The following IL4I1 variants were observed in gnomAD, a reference collection of about 807,000 sequenced individuals.
The protein encoded by IL4I1 is L-amino-acid oxidase.
A neutral mutation model predicts 29.7 loss-of-function variants in IL4I1; 24 were observed. The observed-to-expected ratio is 0.81, with a 90% CI of 0.59 to 1.14. The LOEUF (loss-of-function observed/expected upper bound fraction) is 1.14. Among genes scored for constraint, IL4I1 ranks in the 50% most tolerant of loss-of-function variants. The pLI is 0.00. For synonymous variants in IL4I1, 371 were observed against 352.5 expected, an observed-to-expected ratio of 1.05 and a Z score of -0.59; for missense variants, 686 against 785.6, an observed-to-expected ratio of 0.87 and a Z score of 1.52.
chr19:49,905,050 G>C (rs2075304634), intron 2 of IL4I1, among the ~76,000 whole-genome samples: 1 of 152,122 alleles, frequency 6.6e-6, no homozygotes, highest in African/African-American at 2.4e-5. Flanking sequence ...GTTTCACCAT[G>C]TTGGCCAGGC....
upstream of IL4I1, among the ~76,000 whole-genome samples, chr19:49,897,377 T>C (rs948704224): frequency 2.0e-5 from 3 of 152,064 alleles, no homozygotes; most frequent in Admixed American, 6.5e-5. Flanking sequence ...CTCCGTTACA[T>C]GGGTGTAGCA....
At chr19:49,910,269 G>T (rs548966730) in intron 2 of IL4I1, among the ~76,000 whole-genome samples, 6 of 152,018 alleles carry the variant, frequency 3.9e-5, no homozygotes, top group African/African-American at 1.2e-4. Context: ...ACCCAGTGAG[G>T]TTCCCTGGCT....
At chr19:49,890,672 C>G in intron 7 of IL4I1, 72 bp from the exon 8 acceptor site, 1 of 1,343,678 alleles carries the variant, frequency 7.4e-7, no homozygotes, top group Non-Finnish European at 9.8e-7. Context: ...CTTGCCCCAC[C>G]CACCCCGGCA....
chr19:49,929,267 C>T, intron 1 of IL4I1: 1 of 153,704 alleles, frequency 6.5e-6, no homozygotes, highest in Non-Finnish European at 1.4e-5. Context: ...CCTGCGTAGC[C>T]CCGGCCATGG....
intron 2 of IL4I1, chr19:49,909,452 C>T (rs377665941): frequency 1.9e-6 from 3 of 1,613,970 alleles, no homozygotes; most frequent in African/African-American, 2.7e-5. Context: ...AGTGAGGTTG[C>T]TGCTGCCCAG....
intron 6 of IL4I1, 55 bp from the exon 7 acceptor site, chr19:49,891,162 G>C (rs1012939881): frequency 1.3e-6 from 2 of 1,588,184 alleles, no homozygotes; most frequent in Non-Finnish European, 1.7e-6. Flanking sequence ...ACCCCTGAGA[G>C]AGCCCCTCCG....
At chr19:49,914,109 G>A (rs747259005) in intron 2 of IL4I1, among the ~76,000 whole-genome samples, 47 of 152,288 alleles carry the variant, frequency 3.1e-4, no homozygotes, top group Admixed American at 7.2e-4. Context: ...AGTACTTTCG[G>A]AGGCCAAGGC....
intron 4 of IL4I1, among the ~76,000 whole-genome samples, 165 bp downstream of exon 4, chr19:49,894,903 C>T (rs539184634): frequency 6.6e-6 from 1 of 152,052 alleles, no homozygotes; most frequent in South Asian, 2.1e-4. Context: ...TGCCAGAGGC[C>T]CAGGGCTGGC....
intron 1 of IL4I1, 107 bp downstream of exon 1, chr19:49,896,728 C>T: frequency 1.4e-6 from 1 of 702,452 alleles, no homozygotes; most frequent in Non-Finnish European, 1.8e-6. Context: ...GCCCCCGCGC[C>T]CGGCCTCTTT....
At chr19:49,916,107 G>T (rs1199575606) in intron 2 of IL4I1, among the ~76,000 whole-genome samples, 1 of 152,244 alleles carries the variant, frequency 6.6e-6, no homozygotes, top group African/African-American at 2.4e-5. Context: ...TGGGAAACAA[G>T]TGCAGACTCC....
intron 5 of IL4I1, 101 bp from the exon 6 acceptor site, chr19:49,891,574 CGGCT>C: frequency 9.6e-7 from 1 of 1,036,958 alleles, no homozygotes; most frequent in Non-Finnish European, 1.5e-6. Context: ...GTTCTGCCCA[CGGCT>C]GGCCATTCAC....
intron 2 of IL4I1, chr19:49,911,381 C>G (rs970128745): frequency 6.6e-6 from 1 of 152,184 alleles, no homozygotes; most frequent in African/African-American, 2.4e-5. Flanking sequence ...CTCAAAAAAA[C>G]AAAAGAATAA....
intron 2 of IL4I1, among the ~76,000 whole-genome samples, chr19:49,912,412 G>T (rs1259105124): frequency 6.6e-6 from 1 of 152,054 alleles, no homozygotes; most frequent in Non-Finnish European, 1.5e-5. Context: ...CAGGTGATCC[G>T]CTTGCCTCGG....
chr19:49,900,148 T>C (rs546992681), upstream of IL4I1, among the ~76,000 whole-genome samples: 3 of 152,074 alleles, frequency 2.0e-5, no homozygotes, highest in Non-Finnish European at 4.4e-5. Context: ...CTTTGAGCTT[T>C]TTTGTGCATT....
At chr19:49,907,312 G>A (rs2075343328) in intron 2 of IL4I1, 1 of 313,100 alleles carries the variant, frequency 3.2e-6, no homozygotes, top group Non-Finnish European at 6.1e-6. Flanking sequence ...GAGGCCCAAG[G>A]TGGGGGTGAG....
chr19:49,907,975 T>C, intron 2 of IL4I1: 1 of 613,656 alleles, frequency 1.6e-6, no homozygotes, highest in Admixed American at 3.2e-5. Context: ...ATGAGGTGGG[T>C]GGTCGCAGTA....
chr19:49,890,611 G>C lies in IL4I1; in HGVS notation c.774-11C>G. ...ACGATGCGGCTGTACCTGCAGGCGG[G>C]GCGGGGCGGGGTGGGGGCGTGACCT... On this transcript the variant is annotated splice_polypyrimidine_tract_variant and intron_variant, in intron 7 of 7. Coordinates refer to ENST00000391826, the MANE Select transcript of IL4I1 (RefSeq NM_152899.2). The C allele has an allele frequency of 6.6e-7, 1 of 1,504,064 alleles. No individual in the cohort carries two copies. The highest frequency in any genetic ancestry group is 8.9e-7 in the Non-Finnish European group (1 of 1,128,798). The allele number at this position is 1,504,064 out of a possible 1,614,324, so 93.2% of individuals were successfully genotyped here. A position where few individuals can be genotyped will look rare whatever the true frequency, so the allele number is the denominator to read the frequency against.
chr19:49,919,253 C>A (rs2075706085), intron 2 of IL4I1, among the ~76,000 whole-genome samples: 1 of 152,320 alleles, frequency 6.6e-6, no homozygotes, highest in East Asian at 1.9e-4. Flanking sequence ...TTCCCTGAGT[C>A]CCACAGCCTC....
intron 3 of IL4I1, among the ~76,000 whole-genome samples, chr19:49,903,830 GTTTTTTTTTTTTTT>G (rs113175852): frequency 1.5e-5 from 1 of 66,528 alleles, no homozygotes; most frequent in African/African-American, 6.4e-5. Context: ...TATGTGCTGG[GTTTTTTTTTTTTTT>G]TTTTTTTTTT....
Sources: gnomAD v4.1 joint callset for allele counts (sites outside exome capture counted in the v4.1 genomes callset) on GRCh38, gnomAD v4.1.1 for gene constraint, MANE v1.5 for transcripts, NCBI Gene and HGNC (gene_info 2026-07-23, HGNC 2026-07-21) for gene names.